ZBTB20: variants seen among roughly 807,000 people sequenced by gnomAD.
ZBTB20 encodes the protein zinc finger and BTB domain containing 20.
A neutral mutation model predicts 56.9 loss-of-function variants in ZBTB20; 9 were observed. The observed-to-expected ratio is 0.16, with a 90% CI of 0.10 to 0.28. ZBTB20 has a LOEUF of 0.28. ZBTB20 is among the 10% of genes least tolerant of loss of function. The pLI is 1.00. For missense variants in ZBTB20, 655 were observed against 1,003.0 expected, an observed-to-expected ratio of 0.65 and a Z score of 4.69; for synonymous variants, 417 against 420.7, an observed-to-expected ratio of 0.99 and a Z score of 0.11.
intron 3 of ZBTB20, among the ~76,000 whole-genome samples, chr3:114,910,302 C>T (rs10433393): frequency 0.4 from 59,488 of 149,406 alleles, 12,964 homozygotes; most frequent in East Asian, 0.78. Context: ...CACATGCACG[C>T]GTGCACACAC....
chr3:114,392,357 C>T (rs527276838), intron 7 of ZBTB20, among the ~76,000 whole-genome samples: 11 of 152,256 alleles, frequency 7.2e-5, no homozygotes, highest in South Asian at 2.1e-4. Flanking sequence ...TTATTTCACA[C>T]GGCATGCCTA....
intron 1 of ZBTB20, among the ~76,000 whole-genome samples, chr3:115,089,708 GT>G (rs533867008): frequency 2.6e-5 from 4 of 151,744 alleles, no homozygotes; most frequent in Non-Finnish European, 5.9e-5. Context: ...GTAAGCTTCA[GT>G]TTTTTCATCT....
intron 6 of ZBTB20, among the ~76,000 whole-genome samples, chr3:114,565,140 A>C (rs1369516488): frequency 6.6e-6 from 1 of 152,210 alleles, no homozygotes; most frequent in Admixed American, 6.5e-5. Context: ...AATAATGCCA[A>C]CAGCTGGTGC....
chr3:114,959,836 C>G (rs960049948), intron 3 of ZBTB20, among the ~76,000 whole-genome samples: 1 of 151,830 alleles, frequency 6.6e-6, no homozygotes, highest in Non-Finnish European at 1.5e-5. Context: ...ATACAAAAGT[C>G]TTTCTTAATT....
At chr3:114,782,213 CT>C (rs940154672) in intron 5 of ZBTB20, among the ~76,000 whole-genome samples, 4 of 152,072 alleles carry the variant, frequency 2.6e-5, no homozygotes, top group East Asian at 1.9e-4. Flanking sequence ...TTTACATATA[CT>C]TTTTTTTGTT....
chr3:115,098,494 A>C (rs2083459976), intron 1 of ZBTB20, among the ~76,000 whole-genome samples: 1 of 152,098 alleles, frequency 6.6e-6, no homozygotes, highest in Admixed American at 6.6e-5. Flanking sequence ...TACTCTCCTA[A>C]AGTTCCCCTT....
Position 114,938,117 on chromosome 3 carries a change from C to CA in ZBTB20, c.-456+36248dup, listed in dbSNP as rs1275534512. On this transcript the variant is annotated intron_variant, in intron 3 of 11. Coordinates refer to ENST00000675478, the MANE Select transcript of ZBTB20 (RefSeq NM_001348800.3). The stretch of plus-strand genomic sequence containing the variant: ...TGGGCAACAGAGTGAGACTCCATCT[C>CA]AAAAAAAATAAAAATAAAATAAAAT... Among the ~76,000 whole-genome samples, 191 of 145,434 alleles carry CA rather than the reference C, an allele frequency of 1.3e-3. 2 individuals are homozygous for CA. The highest frequency in any genetic ancestry group is 6.8e-3 in the Middle Eastern group (2 of 292).
chr3:114,425,914 T>C (rs1178443610), intron 7 of ZBTB20, among the ~76,000 whole-genome samples: 17 of 152,252 alleles, frequency 1.1e-4, no homozygotes, highest in Admixed American at 1.1e-3. Context: ...CACATTTTAA[T>C]ATATTGCTTC....
At chr3:114,406,519 T>C (rs1199580298) in intron 7 of ZBTB20, among the ~76,000 whole-genome samples, 1 of 152,154 alleles carries the variant, frequency 6.6e-6, no homozygotes, top group Non-Finnish European at 1.5e-5. Flanking sequence ...TCACTTATAA[T>C]GACGCATTAC....
At chr3:114,867,893 C>T (rs1013909654) in intron 4 of ZBTB20, among the ~76,000 whole-genome samples, 1 of 152,204 alleles carries the variant, frequency 6.6e-6, no homozygotes, top group Admixed American at 6.5e-5. Flanking sequence ...ACATTAATAT[C>T]TTTGAAATAC....
At chr3:114,611,506 T>A (rs1191115029) in intron 6 of ZBTB20, among the ~76,000 whole-genome samples, 1 of 152,156 alleles carries the variant, frequency 6.6e-6, no homozygotes, top group Admixed American at 6.5e-5. Flanking sequence ...GCCTGAGGGC[T>A]CACTTCCCAA....
At chr3:115,075,843 T>A (rs1436205193) in intron 1 of ZBTB20, among the ~76,000 whole-genome samples, 1 of 152,134 alleles carries the variant, frequency 6.6e-6, no homozygotes, top group Non-Finnish European at 1.5e-5. Context: ...TAAAATTGTC[T>A]AGTTGGTAGA....
intron 1 of ZBTB20, among the ~76,000 whole-genome samples, chr3:115,106,534 A>G (rs1313593392): frequency 6.6e-6 from 1 of 152,058 alleles, no homozygotes; most frequent in African/African-American, 2.4e-5. Context: ...TGCCCGGCCA[A>G]TTAGGCAATA....
intron 5 of ZBTB20, among the ~76,000 whole-genome samples, chr3:114,756,997 C>T (rs961110828): frequency 1.3e-5 from 2 of 152,220 alleles, no homozygotes; most frequent in Non-Finnish European, 2.9e-5. Context: ...TGCTTTTCCC[C>T]TCAGCATGGG....
At chr3:114,601,112 T>G (rs1017697863) in intron 6 of ZBTB20, among the ~76,000 whole-genome samples, 5 of 152,078 alleles carry the variant, frequency 3.3e-5, no homozygotes, top group African/African-American at 9.7e-5. Context: ...CACAAAAGCC[T>G]TATTAACTGT....
intron 1 of ZBTB20, among the ~76,000 whole-genome samples, chr3:115,132,119 T>C (rs2084524477): frequency 6.6e-6 from 1 of 152,220 alleles, no homozygotes; most frequent in Admixed American, 6.5e-5. Flanking sequence ...CATTATATAA[T>C]TTATTAACTT....
chr3:114,593,837 C>T (rs1560009169), intron 6 of ZBTB20, among the ~76,000 whole-genome samples: 1 of 152,212 alleles, frequency 6.6e-6, no homozygotes, highest in Non-Finnish European at 1.5e-5. Context: ...CAACAAAACT[C>T]ATCTCCGTAA....
At chr3:114,917,069 G>T (rs1445018493) in intron 3 of ZBTB20, among the ~76,000 whole-genome samples, 1 of 151,762 alleles carries the variant, frequency 6.6e-6, no homozygotes. Flanking sequence ...TTTTTATTCT[G>T]TCCTTTTGTC....
intron 8 of ZBTB20, among the ~76,000 whole-genome samples, chr3:114,384,064 G>A (rs1477823948): frequency 4.0e-5 from 6 of 149,504 alleles, no homozygotes; most frequent in Non-Finnish European, 8.9e-5. Context: ...GATTTGCCAG[G>A]CTCTGGCCTC....
Sources: allele counts gnomAD v4.1 joint callset (sites outside exome capture counted in the v4.1 genomes callset), GRCh38; gene constraint gnomAD v4.1.1; transcripts MANE v1.5; gene names NCBI Gene and HGNC (gene_info 2026-07-23, HGNC 2026-07-21).